The following MAP4K3 variants were observed in gnomAD, a reference collection of about 807,000 sequenced individuals.
MAP4K3 encodes MAPK/ERK kinase kinase kinase 3.
MAP4K3 carries 94 observed loss-of-function variants against 143.5 expected under a neutral mutation model. That is an observed-to-expected ratio of 0.65 (90% CI 0.55 to 0.78). The LOEUF is 0.78. Ranked by LOEUF, MAP4K3 falls within the 30% of genes least tolerant of loss-of-function variation. The pLI, the probability that MAP4K3 is intolerant of heterozygous loss-of-function variation, is 0.00. For missense variants in MAP4K3, 1,077 were observed against 1,068.1 expected (o/e 1.01, Z -0.12); for synonymous variants, 416 against 347.2 (o/e 1.20, Z -2.20).
intron 2 of MAP4K3, among the ~76,000 whole-genome samples, chr2:39,373,554 T>C (rs1357727098): frequency 6.6e-6 from 1 of 152,160 alleles, no homozygotes; most frequent in African/African-American, 2.4e-5. Context: ...CATCAACAGA[T>C]GAATGAAGAA....
Position 39,296,561 on chromosome 2 carries a change from G to A in MAP4K3, c.1178+3182C>T, listed in dbSNP as rs1052161809. 2.6e-5 allele frequency among the ~76,000 whole-genome samples: 4 copies of A among 152,176 alleles called. 1 individual carries two copies. The highest frequency in any genetic ancestry group is 1.3e-4 in the Admixed American group (2 of 15,274). On this transcript the variant is annotated intron_variant, in intron 16 of 33. Transcript: ENST00000263881. ...CAATGTACAAACAGATATGGCAGAG[G>A]TCTAAAATGACCACCAAAATACTCA...
Position 39,309,529 on chromosome 2 carries a change from A to G in MAP4K3, c.998-10T>C, listed in dbSNP as rs1214816814. The stretch of plus-strand genomic sequence containing the variant: ...AATTTCACTTGGCCAACTAAAAAAG[A>G]AAAAAAAGTAAAACCAGGATTTTTT... On this transcript the variant is annotated splice_polypyrimidine_tract_variant and intron_variant, in intron 13 of 33. Transcript: ENST00000263881. 5 of 1,536,750 alleles carry G rather than the reference A, an allele frequency of 3.3e-6. No individual in the cohort carries two copies. The Admixed American group carries it at 9.9e-5, about 30-fold the overall frequency.
Position 39,250,160 on chromosome 2 carries a change from A to G in MAP4K3, c.*458T>C, listed in dbSNP as rs911802074. 4 of 152,820 alleles carry G rather than the reference A, an allele frequency of 2.6e-5. No homozygotes were observed. The highest frequency in any genetic ancestry group is 9.6e-5 in the African/African-American group (4 of 41,472). 9.5% of individuals were successfully genotyped at this position (152,820 alleles called of 1,614,324 possible). ...ACTAAATTACATATAATAAAAATAC[A>G]ATAGTGTTAAATGTATTGTTTCATT... On this transcript the variant is annotated 3_prime_UTR_variant, in exon 34 of 34. Coordinates refer to ENST00000263881, the MANE Select transcript of MAP4K3 (RefSeq NM_003618.4).
rs1229748690 is a variant in MAP4K3 at position 39,250,372 on chromosome 2, C to T, written c.*246G>A. The T allele has an allele frequency of 2.6e-6, 1 of 390,950 alleles. No homozygotes were observed. Among genetic ancestry groups the T allele is most frequent in the South Asian group, 6.2e-5 (1 of 16,200 alleles). The allele number at this position is 390,950 out of a possible 1,614,324, so 24.2% of individuals were successfully genotyped here. Reference sequence around the variant, plus strand: ...ATGTCTTCAGCAATATGAAGTTTCACAGAAAAAATACTGCCTATATGTACA... The same window carrying T: ...ATGTCTTCAGCAATATGAAGTTTCATAGAAAAAATACTGCCTATATGTACA... On this transcript the variant is annotated 3_prime_UTR_variant, in exon 34 of 34. Coordinates refer to ENST00000263881, the MANE Select transcript of MAP4K3 (RefSeq NM_003618.4).
At chr2:39,419,004 G>A (rs1324737698) in intron 1 of MAP4K3, among the ~76,000 whole-genome samples, 1 of 151,920 alleles carries the variant, frequency 6.6e-6, no homozygotes, top group Non-Finnish European at 1.5e-5. Flanking sequence ...ATGTACCATG[G>A]TAACATGTTA....
intron 18 of MAP4K3, 67 bp downstream of exon 18, chr2:39,292,706 T>C (rs1317393606): frequency 3.2e-6 from 4 of 1,248,066 alleles, no homozygotes; most frequent in African/African-American, 1.5e-5. Context: ...AATATTAAGC[T>C]GCCAGATTGA....
intron 4 of MAP4K3, among the ~76,000 whole-genome samples, chr2:39,339,029 T>C (rs923368863): frequency 1.3e-5 from 2 of 152,206 alleles, no homozygotes; most frequent in Non-Finnish European, 2.9e-5. Flanking sequence ...CACTATTAAA[T>C]CACTTTAGAA....
chr2:39,428,545 G>A (rs1385098510), intron 1 of MAP4K3, among the ~76,000 whole-genome samples: 2 of 151,636 alleles, frequency 1.3e-5, no homozygotes, highest in Admixed American at 6.6e-5. Flanking sequence ...GCGTGGTGAC[G>A]GGTGCCTGTA....
At chr2:39,261,727 C>T (rs2148441463) in intron 28 of MAP4K3, among the ~76,000 whole-genome samples, 2 of 152,146 alleles carry the variant, frequency 1.3e-5, no homozygotes, top group Middle Eastern at 6.8e-3. Flanking sequence ...TATATATAGA[C>T]AACTGAAAAA....
intron 12 of MAP4K3, among the ~76,000 whole-genome samples, chr2:39,319,123 G>A (rs1473803203): frequency 6.6e-6 from 1 of 152,120 alleles, no homozygotes; most frequent in East Asian, 1.9e-4. Flanking sequence ...TGTCAACAGT[G>A]CTCAGATTGA....
At chr2:39,260,535 G>T (rs541522962) in intron 29 of MAP4K3, 71 bp downstream of exon 29, 2 of 1,276,556 alleles carry the variant, frequency 1.6e-6, no homozygotes, top group Admixed American at 2.1e-5. Flanking sequence ...CTTAGTAAGA[G>T]ATACAGTAAA....
chr2:39,421,979 T>C (rs1023613281), intron 1 of MAP4K3, among the ~76,000 whole-genome samples: 2 of 151,668 alleles, frequency 1.3e-5, no homozygotes, highest in Non-Finnish European at 2.9e-5. Flanking sequence ...TAATACTTAA[T>C]CACAAAATAC....
At chr2:39,268,786 T>A (rs997549533) in intron 26 of MAP4K3, among the ~76,000 whole-genome samples, 4 of 151,780 alleles carry the variant, frequency 2.6e-5, no homozygotes, top group Admixed American at 6.6e-5. Context: ...ATTACAGGCA[T>A]CAGCCACCAC....
chr2:39,328,443 C>G (rs979396924), intron 8 of MAP4K3, among the ~76,000 whole-genome samples: 2 of 152,236 alleles, frequency 1.3e-5, no homozygotes, highest in Admixed American at 1.3e-4. Flanking sequence ...TAGATAAGAA[C>G]ATGACAATGG....
intron 1 of MAP4K3, among the ~76,000 whole-genome samples, chr2:39,391,033 A>G (rs1666637334): frequency 6.6e-6 from 1 of 152,154 alleles, no homozygotes; most frequent in African/African-American, 2.4e-5. Flanking sequence ...TCTGGAAAAA[A>G]AAGAGTTATT....
At chr2:39,278,063 C>T (rs1288349247) in intron 24 of MAP4K3, among the ~76,000 whole-genome samples, 2 of 151,460 alleles carry the variant, frequency 1.3e-5, no homozygotes, top group African/African-American at 4.8e-5. Flanking sequence ...GGGCAGATCA[C>T]CTGAGGTCAG....
chr2:39,307,791 G>GA (rs1480976531), intron 15 of MAP4K3, 152 bp downstream of exon 15: 1 of 446,092 alleles, frequency 2.2e-6, no homozygotes, highest in Non-Finnish European at 3.8e-6. Context: ...CTTGTTATGG[G>GA]AAAAAACTGC....
At position 39,406,744 on chromosome 2, in the gene MAP4K3, GA is replaced by G. The variant is rs567795458; in HGVS notation, c.97-28622del. Among the ~76,000 whole-genome samples, 977 of 149,322 alleles carry G rather than the reference GA, an allele frequency of 6.5e-3. 4 individuals carry two copies. The highest frequency in any genetic ancestry group is 0.011 in the Non-Finnish European group (730 of 67,190). On this transcript the variant is annotated intron_variant, in intron 1 of 33. Transcript: ENST00000263881. ...AATGCTAAAGGGAGTACTTCAATCAGAAAAAAAAAGGATGCTAATCAGCAAC... is the reference window on the plus strand; with the variant it reads ...AATGCTAAAGGGAGTACTTCAATCAGAAAAAAAAGGATGCTAATCAGCAAC...
At chr2:39,430,249 G>A (rs1665244785) in intron 1 of MAP4K3, among the ~76,000 whole-genome samples, 3 of 152,112 alleles carry the variant, frequency 2.0e-5, no homozygotes, top group African/African-American at 7.2e-5. Context: ...TATACAGAAA[G>A]AATTTTTACA....
Sources: gnomAD v4.1 joint callset for allele counts (sites outside exome capture counted in the v4.1 genomes callset) on GRCh38, gnomAD v4.1.1 for gene constraint, MANE v1.5 for transcripts, NCBI Gene and HGNC (gene_info 2026-07-23, HGNC 2026-07-21) for gene names.